Variants in SEH1L observed in about 807,000 individuals in gnomAD.
SEH1L encodes the protein nucleoporin SEH1.
Under a neutral mutation model 49.5 loss-of-function variants are expected in SEH1L, and 18 were observed. The observed-to-expected ratio is 0.36, with a 90% CI of 0.25 to 0.54. The LOEUF is 0.54. SEH1L is among the 20% of genes least tolerant of loss of function. SEH1L has a pLI of 0.87. For synonymous variants in SEH1L, 169 were observed against 178.1 expected, an observed-to-expected ratio of 0.95 and a Z score of 0.41; for missense variants, 404 against 528.8, an observed-to-expected ratio of 0.76 and a Z score of 2.31.
chr18:12,970,074 T>G (rs1178429581), intron 4 of SEH1L, among the ~76,000 whole-genome samples: 1 of 152,218 alleles, frequency 6.6e-6, no homozygotes, highest in East Asian at 1.9e-4. Context: ...ACCTGAAGCT[T>G]TAGTAATAAA....
chr18:12,963,508 C>A, intron 4 of SEH1L, 137 bp downstream of exon 4: 1 of 635,802 alleles, frequency 1.6e-6, no homozygotes, highest in Non-Finnish European at 2.7e-6. Flanking sequence ...CATTTTTCAC[C>A]CAGGCATGTC....
At chr18:12,971,047 C>A in intron 4 of SEH1L, 106 bp from the exon 5 acceptor site, 2 of 737,418 alleles carry the variant, frequency 2.7e-6, no homozygotes, top group Admixed American at 2.0e-5. Flanking sequence ...AGTAGTGTGA[C>A]AGGCTAACTG....
intron 5 of SEH1L, chr18:12,973,053 A>G (rs924102476): frequency 1.3e-5 from 2 of 152,170 alleles, no homozygotes; most frequent in Non-Finnish European, 2.9e-5. Flanking sequence ...AAAAAGTACA[A>G]AAATTAGCTG....
intron 2 of SEH1L, 125 bp downstream of exon 2, chr18:12,952,030 A>G: frequency 2.0e-6 from 1 of 512,116 alleles, no homozygotes. Flanking sequence ...AAGACATTTT[A>G]CTGTTTTTCG....
chr18:12,954,931 C>G (rs564366968), intron 2 of SEH1L, among the ~76,000 whole-genome samples: 61 of 152,306 alleles, frequency 4.0e-4, no homozygotes, highest in African/African-American at 1.4e-3. Context: ...CTAAAGGAAA[C>G]CCTGTGCTCA....
At chr18:12,953,051 G>A (rs1435218491) in intron 2 of SEH1L, among the ~76,000 whole-genome samples, 1 of 152,108 alleles carries the variant, frequency 6.6e-6, no homozygotes, top group Non-Finnish European at 1.5e-5. Flanking sequence ...CAAAGTGCTG[G>A]GATTACAGGC....
At chr18:12,975,932 G>A (rs2031899203) in intron 5 of SEH1L, 2 of 932,892 alleles carry the variant, frequency 2.1e-6, no homozygotes. Flanking sequence ...TTGTTGAGAT[G>A]GGGACTGAGC....
intron 2 of SEH1L, among the ~76,000 whole-genome samples, chr18:12,953,474 C>G (rs1426601196): frequency 6.6e-6 from 1 of 152,240 alleles, no homozygotes; most frequent in East Asian, 1.9e-4. Context: ...TCCAGTTTCT[C>G]TACATCCTCA....
chr18:12,982,798 A>T, intron 7 of SEH1L, 123 bp downstream of exon 7: 2 of 708,716 alleles, frequency 2.8e-6, no homozygotes, highest in South Asian at 5.1e-5. Flanking sequence ...ATGTCATATT[A>T]ATTTATGTTA....
chr18:12,953,331 CTG>C (rs1352325227), intron 2 of SEH1L, among the ~76,000 whole-genome samples: 2 of 152,200 alleles, frequency 1.3e-5, no homozygotes, highest in African/African-American at 4.8e-5. Context: ...CCATGTAAGT[CTG>C]TGTAGACATA....
At chr18:12,974,246 A>AT (rs903006773) in intron 5 of SEH1L, 1 of 152,056 alleles carries the variant, frequency 6.6e-6, no homozygotes, top group Non-Finnish European at 1.5e-5. Context: ...ATAGTGGACT[A>AT]TGTAGTATCG....
intron 4 of SEH1L, among the ~76,000 whole-genome samples, chr18:12,965,800 A>T (rs914265285): frequency 6.6e-6 from 1 of 152,096 alleles, no homozygotes; most frequent in Admixed American, 6.6e-5. Flanking sequence ...ATGTAATCAC[A>T]TTTGTCAGGC....
intron 8 of SEH1L, 168 bp downstream of exon 8, chr18:12,984,358 G>T: frequency 2.8e-6 from 2 of 708,352 alleles, no homozygotes; most frequent in South Asian, 1.9e-5. Flanking sequence ...TGGCTTACTT[G>T]GTCATAATAT....
chr18:12,965,572 T>C (rs1456617268), intron 4 of SEH1L, among the ~76,000 whole-genome samples: 1 of 152,246 alleles, frequency 6.6e-6, no homozygotes, highest in Admixed American at 6.5e-5. Context: ...TGGCTAGTTT[T>C]AGAGTTCCGA....
chr18:12,979,483 C>T lies in SEH1L; in HGVS notation c.761+591C>T, dbSNP rs1401279846. On this transcript the variant is annotated intron_variant, in intron 6 of 8. Transcript: ENST00000399892. ...ATGTCTACTTCTTTCTACACAGACA[C>T]GGCAACCATCCGATTTCTCAATCTT... Among the ~76,000 whole-genome samples, 944 of 151,924 alleles carry T rather than the reference C, an allele frequency of 6.2e-3. 13 individuals are homozygous for T. The highest frequency in any genetic ancestry group is 0.022 in the African/African-American group (902 of 41,370).
At chr18:12,957,670 T>A (rs2030953602) in intron 3 of SEH1L, among the ~76,000 whole-genome samples, 1 of 152,216 alleles carries the variant, frequency 6.6e-6, no homozygotes, top group Non-Finnish European at 1.5e-5. Context: ...TAATAGATAA[T>A]CATGCACATG....
At chr18:12,969,403 AT>A (rs1394706580) in intron 4 of SEH1L, among the ~76,000 whole-genome samples, 1 of 151,658 alleles carries the variant, frequency 6.6e-6, no homozygotes, top group Non-Finnish European at 1.5e-5. Flanking sequence ...AAAAAAAAAA[AT>A]CTTGGCCAGG....
At position 12,971,144 on chromosome 18, in the gene SEH1L, C is replaced by G. The variant is rs776862905; in HGVS notation, c.522-9C>G. 1 of 1,593,484 alleles carries G rather than the reference C, an allele frequency of 6.3e-7. No individual in the cohort carries two copies. The highest frequency in any genetic ancestry group is 8.6e-7 in the Non-Finnish European group (1 of 1,161,662). Reference sequence around the variant, plus strand: ...TGTTATCTAAAATGTTCTTTCTCCCCGTTTCTAGCTCTCGTGCTCATTCCC... The same window carrying G: ...TGTTATCTAAAATGTTCTTTCTCCCGGTTTCTAGCTCTCGTGCTCATTCCC... On this transcript the variant is annotated splice_polypyrimidine_tract_variant and intron_variant, in intron 4 of 8. Transcript: ENST00000399892.
At chr18:12,957,586 A>T (rs2030947395) in intron 3 of SEH1L, among the ~76,000 whole-genome samples, 1 of 152,106 alleles carries the variant, frequency 6.6e-6, no homozygotes, top group African/African-American at 2.4e-5. Flanking sequence ...TATATTTAAG[A>T]CTCTTTCCAG....
Sources: allele counts gnomAD v4.1 joint callset (sites outside exome capture counted in the v4.1 genomes callset), GRCh38; gene constraint gnomAD v4.1.1; transcripts MANE v1.5; gene names NCBI Gene and HGNC (gene_info 2026-07-23, HGNC 2026-07-21).